The following LPIN2 variants were observed in gnomAD, a reference collection of about 807,000 sequenced individuals.
LPIN2 encodes the protein phosphatidate phosphatase LPIN2.
LPIN2 carries 55 observed loss-of-function variants against 111.4 expected under a neutral mutation model. That is an observed-to-expected ratio of 0.49 (90% confidence interval 0.40 to 0.62). LPIN2 has a LOEUF of 0.62. Among genes scored for constraint, LPIN2 ranks in the 20% least tolerant of loss-of-function variants. LPIN2 has a pLI of 0.00. For missense variants in LPIN2, 992 were observed against 1,112.1 expected (o/e 0.89, Z 1.54); for synonymous variants, 425 against 414.0 (o/e 1.03, Z -0.32).
intron 1 of LPIN2, among the ~76,000 whole-genome samples, chr18:3,003,729 G>C (rs2078468430): frequency 6.6e-6 from 1 of 152,194 alleles, no homozygotes; most frequent in South Asian, 2.1e-4. Flanking sequence ...CAAACTGATT[G>C]TAAAACGTGT....
chr18:2,935,341 G>GT (rs1308469734), intron 7 of LPIN2, among the ~76,000 whole-genome samples: 1 of 152,162 alleles, frequency 6.6e-6, no homozygotes, highest in East Asian at 1.9e-4. Flanking sequence ...CTAGTGGACA[G>GT]TAAGTTCTAG....
rs1568503528 is a variant in LPIN2, at chr18:2,920,255, A to T, written c.*38T>A. 1 of 1,613,270 alleles carries T rather than the reference A, an allele frequency of 6.2e-7. No homozygotes were observed. Among genetic ancestry groups the T allele is most frequent in the East Asian group, 2.2e-5 (1 of 44,866 alleles). The stretch of plus-strand genomic sequence containing the variant: ...CCAGCTGCCTTCCCTTGCTGTGGGG[A>T]GGGGGACCAAGCCCTGCCCACCCAC... On this transcript the variant is annotated 3_prime_UTR_variant, in exon 20 of 20. Transcript: ENST00000677752.
Position 2,917,735 on chromosome 18 carries a change from TCA to T in LPIN2, c.*2556_*2557del, listed in dbSNP as rs1223307614. 1 of 152,302 alleles carries T rather than the reference TCA, an allele frequency of 6.6e-6. No homozygotes were observed. The highest frequency in any genetic ancestry group is 2.4e-5 in the African/African-American group (1 of 41,392). The allele number at this position is 152,302 out of a possible 1,614,324, so 9.4% of individuals were successfully genotyped here. On this transcript the variant is annotated 3_prime_UTR_variant, in exon 20 of 20. Transcript: ENST00000677752. ...AGCCTGACAAGGGGCAGACAGCAAC[TCA>T]CACGGGACGAGCTTCAGCACACAGA...
Position 2,934,275 on chromosome 18 carries a change from CTGAGA to C in LPIN2, c.1268+71_1268+75del, listed in dbSNP as rs1042643171. ...GACACCATCATCTTGTTCCTTTTTC[CTGAGA>C]TGAAATGTTTTACTCTAGAAATAAC... is the stretch of plus-strand genomic sequence containing the variant. On this transcript the variant is annotated intron_variant, in intron 8 of 19. Transcript: ENST00000677752. 6 of 1,117,832 alleles carry C rather than the reference CTGAGA, an allele frequency of 5.4e-6. No homozygotes were observed. In the African/African-American group the frequency reaches 9.3e-5, roughly 17 times the overall value. 69.2% of individuals were successfully genotyped at this position (1,117,832 alleles called of 1,614,324 possible).
At chr18:2,975,991 A>C (rs900326458) in intron 1 of LPIN2, among the ~76,000 whole-genome samples, 1 of 152,222 alleles carries the variant, frequency 6.6e-6, no homozygotes, top group South Asian at 2.1e-4. Flanking sequence ...CTGACCTAGA[A>C]GTCAGGAATT....
chr18:2,971,737 C>A (rs1238991262), intron 1 of LPIN2, among the ~76,000 whole-genome samples: 30 of 121,074 alleles, frequency 2.5e-4, no homozygotes, highest in Non-Finnish European at 5.0e-4. Context: ...ATACATATAA[C>A]CATGCACTGG....
chr18:2,927,893 G>A, intron 11 of LPIN2, 82 bp from the exon 12 acceptor site: 2 of 1,127,576 alleles, frequency 1.8e-6, no homozygotes, highest in Non-Finnish European at 1.4e-6. Context: ...GAAGGACGGG[G>A]CCTTACTATG....
intron 16 of LPIN2, 94 bp from the exon 17 acceptor site, chr18:2,922,293 T>C (rs1225974915): frequency 2.1e-6 from 3 of 1,438,986 alleles, no homozygotes; most frequent in African/African-American, 2.9e-5. Flanking sequence ...TCTTTCTTTT[T>C]TTTTTGAGTC....
intron 1 of LPIN2, among the ~76,000 whole-genome samples, chr18:2,984,877 A>G (rs941155735): frequency 6.6e-6 from 1 of 152,144 alleles, no homozygotes; most frequent in Non-Finnish European, 1.5e-5. Context: ...GCTGGGGATC[A>G]GCAGGAGGAG....
rs746301815 is a variant in LPIN2 at position 2,931,426 on chromosome 18, G to C, written c.1286C>G (p.Ser429Cys). Residue 429 changes from serine (S) to cysteine (C), a missense_variant, in exon 9 of 20, where the codon TCC becomes TGC. Physicochemically the swap from Ser to Cys is moderately radical, Grantham distance 112. Around this residue, in one of 4 missense-constraint regions of LPIN2, gnomAD observed 709 missense variants for 753.2 expected, o/e 0.94. Coordinates refer to ENST00000677752, the MANE Select transcript of LPIN2 (RefSeq NM_001375808.2). Reference protein sequence around the residue: ...YFPKSESEPGSRQWPESDTLS... With the variant: ...YFPKSESEPGCRQWPESDTLS... Reference sequence around the variant, plus strand: ...TGTGTCAGACTCGGGCCACTGCCTGGAACCGGGCTCCGATTCACTGTGGAC... The same window carrying C: ...TGTGTCAGACTCGGGCCACTGCCTGCAACCGGGCTCCGATTCACTGTGGAC... The C allele has an allele frequency of 6.3e-7, 1 of 1,595,144 alleles. No homozygotes were observed. Among genetic ancestry groups the C allele is most frequent in the Non-Finnish European group, 8.5e-7 (1 of 1,170,576 alleles).
At chr18:2,999,119 C>T (rs535995058) in intron 1 of LPIN2, among the ~76,000 whole-genome samples, 38 of 152,334 alleles carry the variant, frequency 2.5e-4, no homozygotes, top group African/African-American at 9.1e-4. Flanking sequence ...CATGTGTTAT[C>T]CCCACTCTCA....
At chr18:2,940,560 T>C (rs1393149985) in intron 5 of LPIN2, 45 bp downstream of exon 5, 1 of 1,145,944 alleles carries the variant, frequency 8.7e-7, no homozygotes, top group Admixed American at 1.7e-5. Flanking sequence ...AATTAATACA[T>C]CTCCTTCCTC....
At chr18:2,956,539 T>TC (rs1295364508) in intron 2 of LPIN2, among the ~76,000 whole-genome samples, 1 of 152,240 alleles carries the variant, frequency 6.6e-6, no homozygotes. Flanking sequence ...TGGAACACCT[T>TC]CTGGTACCAG....
At chr18:2,964,984 A>C (rs1199620025) in intron 1 of LPIN2, among the ~76,000 whole-genome samples, 1 of 152,232 alleles carries the variant, frequency 6.6e-6, no homozygotes, top group Non-Finnish European at 1.5e-5. Flanking sequence ...CGATATTTAA[A>C]GACAGCTAGA....
At chr18:2,921,176 A>G (rs1242269033) in intron 18 of LPIN2, 1 of 552,434 alleles carries the variant, frequency 1.8e-6, no homozygotes, top group Non-Finnish European at 3.2e-6. Context: ...TGCAGAAGGG[A>G]GGCAGGTTGG....
intron 3 of LPIN2, among the ~76,000 whole-genome samples, chr18:2,952,361 T>TAC (rs1443070428): frequency 7.3e-5 from 11 of 151,404 alleles, no homozygotes; most frequent in Admixed American, 1.3e-4. Flanking sequence ...GAGGGGGAGG[T>TAC]TGTAGTGAGC....
At chr18:2,980,796 A>G (rs2078098274) in intron 1 of LPIN2, among the ~76,000 whole-genome samples, 1 of 152,096 alleles carries the variant, frequency 6.6e-6, no homozygotes, top group Admixed American at 6.5e-5. Context: ...GGTGACCTCT[A>G]GAGTCCCCCC....
intron 1 of LPIN2, among the ~76,000 whole-genome samples, chr18:3,000,765 A>AGGGGTAAGGATTCACTGTGAAGC (rs1395316161): frequency 6.6e-6 from 1 of 152,192 alleles, no homozygotes; most frequent in African/African-American, 2.4e-5. Context: ...AAACAAGGCC[A>AGGGGTAAGGATTCACTGTGAAGC]GGGGTAAGGA....
At position 2,921,604 on chromosome 18, in the gene LPIN2, G is replaced by C; in HGVS notation, c.2371C>G (p.Leu791Val). The C allele has an allele frequency of 6.2e-7, 1 of 1,614,048 alleles. No individual in the cohort carries two copies. The highest frequency in any genetic ancestry group is 1.1e-5 in the South Asian group (1 of 91,078). ...GCAAACAGATTCTTGATATCATTTA[G>C]ACACTCAATTTTGAACTTCTCTGGT... ...KKPEKFKIEC[L>V]NDIKNLFAPS... Residue 791 changes from leucine to valine, a missense_variant, in exon 18 of 20, where the codon CTA (leucine) becomes GTA (valine). Physicochemically the swap from Leu to Val is conservative, Grantham distance 32 (BLOSUM62 1). Transcript: ENST00000677752.
Sources: allele counts gnomAD v4.1 joint callset (sites outside exome capture counted in the v4.1 genomes callset), GRCh38; gene constraint gnomAD v4.1.1; regional missense constraint gnomAD v4.1.1; transcripts MANE v1.5; gene names NCBI Gene and HGNC (gene_info 2026-07-23, HGNC 2026-07-21).